The following LPGAT1 variants were observed in gnomAD, a reference collection of about 807,000 sequenced individuals.
LPGAT1 encodes the protein acyl-CoA:lysophosphatidylglycerol acyltransferase 1.
In LPGAT1, 11 loss-of-function variants were observed where a neutral mutation model predicts 47.5. The ratio of observed to expected loss-of-function variants is 0.23; its 90% CI spans 0.15 to 0.38. The LOEUF is 0.38. Ranked by LOEUF, LPGAT1 falls within the 10% of genes least tolerant of loss-of-function variation. LPGAT1 has a pLI of 1.00. For synonymous variants in LPGAT1, 138 were observed against 144.2 expected, an observed-to-expected ratio of 0.96 and a Z score of 0.31; for missense variants, 293 against 439.0, an observed-to-expected ratio of 0.67 and a Z score of 2.97.
In LPGAT1 at chr1:211,747,363, A is replaced by T. The variant is rs1229224258; in HGVS notation, c.*2536T>A. 2 of 152,192 alleles carry T rather than the reference A, an allele frequency of 1.3e-5. No individual in the cohort carries two copies. Among genetic ancestry groups the T allele is most frequent in the Non-Finnish European group, 2.9e-5 (2 of 68,020 alleles). 9.4% of individuals were successfully genotyped at this position (152,192 alleles called of 1,614,324 possible). Reference sequence around the variant, plus strand: ...CTATTTACAACTCACGGAGATATTTAAAAAAATTAACTCACATATCTATTG... The same window carrying T: ...CTATTTACAACTCACGGAGATATTTTAAAAAATTAACTCACATATCTATTG... On this transcript the variant is annotated 3_prime_UTR_variant, in exon 8 of 8. Coordinates refer to ENST00000366997, the MANE Select transcript of LPGAT1 (RefSeq NM_014873.3).
intron 6 of LPGAT1, among the ~76,000 whole-genome samples, chr1:211,759,598 T>C (rs1370455535): frequency 6.6e-6 from 1 of 152,214 alleles, no homozygotes; most frequent in Non-Finnish European, 1.5e-5. Context: ...GAGATAAATA[T>C]TTAGATTACT....
At position 211,757,093 on chromosome 1, in the gene LPGAT1, C is replaced by T. The variant is rs1333203975; in HGVS notation, c.855-6026G>A. Among the ~76,000 whole-genome samples, 6 of 151,894 alleles carry T rather than the reference C, an allele frequency of 4.0e-5. No homozygotes were observed. In the South Asian group the frequency reaches 6.2e-4, roughly 16 times the overall value. ...CCAACATGGTGAAACCTCGTCTCTA[C>T]TAAAAATACAAAAATTAGCCAGATG... On this transcript the variant is annotated intron_variant, in intron 6 of 7. Coordinates refer to ENST00000366997, the MANE Select transcript of LPGAT1 (RefSeq NM_014873.3).
chr1:211,769,559 G>A (rs536514317), intron 6 of LPGAT1, among the ~76,000 whole-genome samples: 16 of 152,220 alleles, frequency 1.1e-4, no homozygotes, highest in African/African-American at 3.9e-4. Context: ...AGAAAGTAGA[G>A]GAATAAAAGA....
chr1:211,818,601 C>A (rs1660260266), intron 2 of LPGAT1, among the ~76,000 whole-genome samples: 1 of 152,278 alleles, frequency 6.6e-6, no homozygotes, highest in East Asian at 1.9e-4. Context: ...TAAAACAAAG[C>A]CTAAATACTC....
intron 6 of LPGAT1, among the ~76,000 whole-genome samples, chr1:211,771,336 C>A (rs1004992781): frequency 1.3e-5 from 2 of 152,040 alleles, no homozygotes; most frequent in Non-Finnish European, 2.9e-5. Flanking sequence ...ATGAAATCAC[C>A]TAATTTCACA....
rs1034201237 is a variant in LPGAT1, at chr1:211,754,842, C to T, written c.855-3775G>A. On this transcript the variant is annotated intron_variant, in intron 6 of 7. Coordinates refer to ENST00000366997, the MANE Select transcript of LPGAT1 (RefSeq NM_014873.3). ...CAGCCTGGTCAAGATGGTGAAACCC[C>T]GTCTCTACTAAAAATAAAAAAAATT... Among the ~76,000 whole-genome samples, 72 of 151,846 alleles carry T rather than the reference C, an allele frequency of 4.7e-4. 1 individual carries two copies. Among genetic ancestry groups the T allele is most frequent in the African/African-American group, 1.6e-3 (68 of 41,408 alleles).
intron 2 of LPGAT1, among the ~76,000 whole-genome samples, chr1:211,806,339 A>T (rs1239372079): frequency 2.6e-5 from 4 of 152,058 alleles, no homozygotes; most frequent in Non-Finnish European, 4.4e-5. Context: ...ACAGCAATAA[A>T]AAAAAAAAGA....
At chr1:211,759,212 T>C (rs533266556) in intron 6 of LPGAT1, among the ~76,000 whole-genome samples, 4 of 152,194 alleles carry the variant, frequency 2.6e-5, no homozygotes, top group Non-Finnish European at 5.9e-5. Flanking sequence ...TTAGGAAGTA[T>C]CCTTTCTTCT....
In LPGAT1 at chr1:211,802,613, C is replaced by T. The variant is rs576129301; in HGVS notation, c.239-9423G>A. Among the ~76,000 whole-genome samples the T allele has an allele frequency of 4.6e-5, 7 of 151,422 alleles. No individual in the cohort carries two copies. The South Asian group carries it at 1.3e-3, about 27-fold the overall frequency. On this transcript the variant is annotated intron_variant, in intron 2 of 7. Coordinates refer to ENST00000366997, the MANE Select transcript of LPGAT1 (RefSeq NM_014873.3). ...TAAAGTTGAGATAATCTTCCAAACA[C>T]GAGATTTAAAAACAAGATGAAAAAC...
intron 2 of LPGAT1, among the ~76,000 whole-genome samples, chr1:211,821,532 G>T (rs1193339336): frequency 6.6e-6 from 1 of 152,130 alleles, no homozygotes; most frequent in Non-Finnish European, 1.5e-5. Flanking sequence ...TGAAAGAAGG[G>T]AGAAAGCAGA....
intron 6 of LPGAT1, among the ~76,000 whole-genome samples, chr1:211,774,754 C>T (rs543673873): frequency 6.6e-6 from 1 of 152,238 alleles, no homozygotes; most frequent in Admixed American, 6.5e-5. Flanking sequence ...CATGTCATCT[C>T]TTCTAGAAAT....
chr1:211,810,234 C>T (rs1419946887), intron 2 of LPGAT1, among the ~76,000 whole-genome samples: 1 of 152,132 alleles, frequency 6.6e-6, no homozygotes, highest in East Asian at 1.9e-4. Flanking sequence ...GTTTTATTTT[C>T]TTCAGAGAGA....
chr1:211,776,081 T>G (rs1293330739), intron 6 of LPGAT1, among the ~76,000 whole-genome samples: 1 of 151,976 alleles, frequency 6.6e-6, no homozygotes, highest in Admixed American at 6.6e-5. Context: ...TACAGAACTC[T>G]AGGCTTCTCA....
intron 6 of LPGAT1, among the ~76,000 whole-genome samples, chr1:211,778,379 G>A (rs1286077461): frequency 6.7e-6 from 1 of 149,862 alleles, no homozygotes; most frequent in Non-Finnish European, 1.5e-5. Flanking sequence ...AAAAAAGGAA[G>A]GCATGAATAA....
chr1:211,812,521 T>C (rs750848110), intron 2 of LPGAT1, among the ~76,000 whole-genome samples: 3 of 152,070 alleles, frequency 2.0e-5, no homozygotes, highest in Non-Finnish European at 4.4e-5. Context: ...AACTGTAAAA[T>C]TGTGACCATG....
chr1:211,754,970 C>T (rs187390487), intron 6 of LPGAT1, among the ~76,000 whole-genome samples: 1 of 149,946 alleles, frequency 6.7e-6, no homozygotes, highest in Admixed American at 6.7e-5. Flanking sequence ...GCCGCAATGG[C>T]GCCACTGCAC....
intron 2 of LPGAT1, among the ~76,000 whole-genome samples, chr1:211,818,571 A>T (rs1382494215): frequency 6.6e-6 from 1 of 152,260 alleles, no homozygotes. Flanking sequence ...ACTAATTTGC[A>T]AACTCTGAAA....
chr1:211,774,853 T>A (rs2102524351), intron 6 of LPGAT1, among the ~76,000 whole-genome samples: 1 of 152,336 alleles, frequency 6.6e-6, no homozygotes, highest in South Asian at 2.1e-4. Flanking sequence ...TTAAAATAAG[T>A]TATTACATTC....
intron 6 of LPGAT1, among the ~76,000 whole-genome samples, chr1:211,751,561 T>C (rs1277185102): frequency 1.3e-5 from 2 of 152,096 alleles, no homozygotes; most frequent in African/African-American, 4.8e-5. Context: ...CTTTCATGAA[T>C]AGGGGTAACT....
Sources: gnomAD v4.1 joint callset for allele counts (sites outside exome capture counted in the v4.1 genomes callset) on GRCh38, gnomAD v4.1.1 for gene constraint, MANE v1.5 for transcripts, NCBI Gene and HGNC (gene_info 2026-07-23, HGNC 2026-07-21) for gene names.